Variants in S100Z observed in about 807,000 individuals in gnomAD.
The protein encoded by S100Z is S100 calcium binding protein Z, also known as protein S100-Z.
In S100Z, 11 loss-of-function variants were observed where a neutral mutation model predicts 8.5. That is an observed-to-expected ratio of 1.30 (90% CI 0.82 to 2.15). S100Z has a LOEUF of 2.15. Among genes scored for constraint, S100Z ranks in the 30% most tolerant of loss-of-function variants. The pLI, the probability that S100Z is intolerant of heterozygous loss-of-function variation, is 0.00. For missense variants in S100Z, 126 were observed against 117.9 expected, an observed-to-expected ratio of 1.07 and a Z score of -0.32; for synonymous variants, 34 against 43.8, an observed-to-expected ratio of 0.78 and a Z score of 0.89.
At chr5:76,918,902 G>T (rs1744943408) in intron 4 of S100Z, among the ~76,000 whole-genome samples, 1 of 152,094 alleles carries the variant, frequency 6.6e-6, no homozygotes, top group Admixed American at 6.6e-5. Context: ...TCTTTCCATT[G>T]TTTTGTCTTT....
intron 4 of S100Z, among the ~76,000 whole-genome samples, chr5:76,898,485 C>T (rs1482123647): frequency 1.3e-5 from 2 of 152,018 alleles, no homozygotes; most frequent in African/African-American, 4.8e-5. Flanking sequence ...CCCTCTATCC[C>T]CAGTTTTTTG....
At chr5:76,876,588 C>G (rs1743201208) in intron 3 of S100Z, among the ~76,000 whole-genome samples, 1 of 152,050 alleles carries the variant, frequency 6.6e-6, no homozygotes, top group Admixed American at 6.6e-5. Context: ...CCAGGCTGGT[C>G]TCGAACTCCT....
intron 2 of S100Z, among the ~76,000 whole-genome samples, chr5:76,874,810 A>C (rs945584883): frequency 6.6e-6 from 1 of 151,970 alleles, no homozygotes. Context: ...AGGAGAAACA[A>C]CTCAGCTGCG....
chr5:76,850,324 G>A (rs1464847364), intron 1 of S100Z, among the ~76,000 whole-genome samples, 169 bp downstream of exon 1: 2 of 132,506 alleles, frequency 1.5e-5, no homozygotes, highest in South Asian at 2.6e-4. Context: ...CAAAGGGGTC[G>A]GGGGGGTGGG....
intron 4 of S100Z, among the ~76,000 whole-genome samples, chr5:76,909,703 G>C (rs1744582135): frequency 6.6e-6 from 1 of 152,174 alleles, no homozygotes; most frequent in Non-Finnish European, 1.5e-5. Flanking sequence ...GCTGTAGGGG[G>C]AGGGGAATTT....
intron 1 of S100Z, among the ~76,000 whole-genome samples, chr5:76,854,399 G>A (rs1167401787): frequency 6.6e-6 from 1 of 152,180 alleles, no homozygotes; most frequent in African/African-American, 2.4e-5. Flanking sequence ...AGGCGGAGAT[G>A]AGGAACTTAT....
intron 1 of S100Z, among the ~76,000 whole-genome samples, chr5:76,863,760 G>C (rs4704371): frequency 0.21 from 31,420 of 151,872 alleles, 3,381 homozygotes; most frequent in Non-Finnish European, 0.23. Flanking sequence ...GGATGGTCTC[G>C]ATCTCCTGAC....
At chr5:76,871,456 CT>C (rs1032119473) in intron 2 of S100Z, among the ~76,000 whole-genome samples, 25 of 151,404 alleles carry the variant, frequency 1.7e-4, no homozygotes, top group African/African-American at 5.1e-4. Context: ...GAATTTCTTT[CT>C]GCTGACTTCA....
intron 4 of S100Z, among the ~76,000 whole-genome samples, chr5:76,911,727 G>T (rs1396595761): frequency 1.3e-5 from 2 of 152,216 alleles, no homozygotes; most frequent in African/African-American, 2.4e-5. Context: ...AAGGTGCCTA[G>T]ATCGAAGGCC....
the S100Z span, among the ~76,000 whole-genome samples, chr5:76,947,351 C>A: frequency 6.6e-6 from 1 of 152,164 alleles, no homozygotes; most frequent in Admixed American, 6.5e-5. Flanking sequence ...AAATAGCTGG[C>A]ACATTAGAAT....
At chr5:76,899,730 T>C (rs1744169167) in intron 4 of S100Z, among the ~76,000 whole-genome samples, 1 of 152,208 alleles carries the variant, frequency 6.6e-6, no homozygotes, top group Non-Finnish European at 1.5e-5. Flanking sequence ...GTAGTTATTA[T>C]TTTTGGTTGG....
At chr5:76,874,541 C>G (rs1477426349) in intron 2 of S100Z, among the ~76,000 whole-genome samples, 1 of 152,166 alleles carries the variant, frequency 6.6e-6, no homozygotes, top group Non-Finnish European at 1.5e-5. Flanking sequence ...CCCTTTGAAT[C>G]TCTTGTCACT....
At chr5:76,903,222 A>T (rs1240255638) in intron 4 of S100Z, among the ~76,000 whole-genome samples, 1 of 152,142 alleles carries the variant, frequency 6.6e-6, no homozygotes, top group Admixed American at 6.6e-5. Flanking sequence ...GTTGCTTTTC[A>T]TCATCACCAG....
At position 76,905,214 on chromosome 5, in the gene S100Z, TA is replaced by T. The variant is rs539378150; in HGVS notation, c.*3-15502del. On this transcript the variant is annotated intron_variant, in intron 4 of 4. Coordinates refer to ENST00000317593, the MANE Select transcript of S100Z (RefSeq NM_130772.4). Reference sequence around the variant, plus strand: ...CACAAAGATTTTGTTCTATTATTATTATTTAGAGACAGGGTCTTACTATGTT... The same window carrying T: ...CACAAAGATTTTGTTCTATTATTATTTTTAGAGACAGGGTCTTACTATGTT... Among the ~76,000 whole-genome samples, 313 of 152,236 alleles carry T rather than the reference TA, an allele frequency of 2.1e-3. 2 individuals are homozygous for T. The highest frequency in any genetic ancestry group is 3.4e-3 in the Middle Eastern group (1 of 294).
chr5:76,951,297 G>C, the S100Z span, among the ~76,000 whole-genome samples: 1 of 152,346 alleles, frequency 6.6e-6, no homozygotes, highest in East Asian at 1.9e-4. Flanking sequence ...TGTTGTCTGT[G>C]CACGTGCATG....
intron 4 of S100Z, among the ~76,000 whole-genome samples, chr5:76,895,765 C>CTTTTTTTTTTTTTTTTTTTT (rs57723242): frequency 3.4e-5 from 3 of 88,370 alleles, no homozygotes; most frequent in Non-Finnish European, 6.9e-5. Context: ...TCTTTTCTTC[C>CTTTTTTTTTTTTTTTTTTTT]TTTTTTTTTT....
chr5:76,910,356 C>T (rs111656007), intron 4 of S100Z, among the ~76,000 whole-genome samples: 2,029 of 152,214 alleles, frequency 0.013, 41 homozygotes, highest in African/African-American at 0.043. Flanking sequence ...TTAAACCTGG[C>T]AACCTTGGTG....
chr5:76,948,766 T>G, the S100Z span: 1 of 152,220 alleles, frequency 6.6e-6, no homozygotes, highest in Non-Finnish European at 1.5e-5. Flanking sequence ...ACTATGGACT[T>G]TCCTCAAAAA....
chr5:76,850,608 G>C lies in S100Z; in HGVS notation c.-176+453G>C, dbSNP rs557714279. On this transcript the variant is annotated intron_variant, in intron 1 of 4. Transcript: ENST00000317593. ...GCTTCTTTTTCCTGAAGCCTGCACA[G>C]ATGCCAGTGTAAGCCCACTCCCAGG... Among the ~76,000 whole-genome samples the C allele has an allele frequency of 6.2e-4, 95 of 152,244 alleles. No individual in the cohort carries two copies. In the Middle Eastern group the frequency reaches 0.01, roughly 16 times the overall value.
Sources: gnomAD v4.1 joint callset for allele counts (sites outside exome capture counted in the v4.1 genomes callset) on GRCh38, gnomAD v4.1.1 for gene constraint, MANE v1.5 for transcripts, NCBI Gene and HGNC (gene_info 2026-07-23, HGNC 2026-07-21) for gene names.